The following SEMA3F variants were observed in gnomAD, a reference collection of about 807,000 sequenced individuals.
SEMA3F encodes the protein semaphorin 3F.
In SEMA3F, 30 loss-of-function variants were observed where a neutral mutation model predicts 98.5. That is an observed-to-expected ratio of 0.30 (90% confidence interval 0.23 to 0.41). The LOEUF (loss-of-function observed/expected upper bound fraction) is 0.41, where lower values mean the gene tolerates loss of function less well. SEMA3F is among the 10% of genes least tolerant of loss of function. The pLI, the probability that SEMA3F is intolerant of heterozygous loss-of-function variation, is 1.00. For synonymous variants in SEMA3F, 380 were observed against 444.8 expected, an observed-to-expected ratio of 0.85 and a Z score of 1.83; for missense variants, 866 against 1,119.3, an observed-to-expected ratio of 0.77 and a Z score of 3.23.
intron 2 of SEMA3F, among the ~76,000 whole-genome samples, chr3:50,170,200 C>T (rs1336482388): frequency 6.6e-6 from 1 of 152,048 alleles, no homozygotes; most frequent in Non-Finnish European, 1.5e-5. Flanking sequence ...TGCTCTGGGA[C>T]CCGGGGAAGT....
upstream of SEMA3F, chr3:50,155,251 C>T (rs1312268993): frequency 6.0e-6 from 2 of 333,448 alleles, no homozygotes; most frequent in Non-Finnish European, 1.1e-5. This position sits in a 1 kb window ranked among gnomAD's most constrained non-coding sequence, Gnocchi z 4.9. Flanking sequence ...CCGCCCGCGC[C>T]CCGCGCTGGG....
chr3:50,180,142 T>G (rs1443680602), intron 7 of SEMA3F, among the ~76,000 whole-genome samples: 5 of 151,370 alleles, frequency 3.3e-5, no homozygotes, highest in Non-Finnish European at 5.9e-5. Flanking sequence ...AGCTTTTTTG[T>G]TTTTTTTTAT....
chr3:50,170,027 C>G (rs1698542579), intron 2 of SEMA3F, among the ~76,000 whole-genome samples: 1 of 152,170 alleles, frequency 6.6e-6, no homozygotes, highest in African/African-American at 2.4e-5. Context: ...ACCCTGTGAC[C>G]TGGGTTGAGT....
Position 50,188,071 on chromosome 3 carries a change from C to T in SEMA3F, c.2314C>T (p.Gln772Ter). The T allele has an allele frequency of 6.4e-7, 1 of 1,561,860 alleles. No individual in the cohort carries two copies. Among genetic ancestry groups the T allele is most frequent in the Non-Finnish European group, 8.7e-7 (1 of 1,152,670 alleles). Residue 772 changes from glutamine (Q) to a stop codon, truncating the protein, a stop_gained, in exon 19 of 19, where the codon CAG becomes TAG. Transcript: ENST00000002829. LOFTEE classifies it high-confidence loss of function. The surrounding 1 kb of genome is among the most constrained non-coding windows in gnomAD (Gnocchi z 4.5). ...GAPRSPEPQD[Q>*]KKPRNRRHHP... ...ACCCCGGTCTCCTGAGCCCCAGGAC[C>T]AGAAAAAGCCCCGGAACCGCCGGCA...
At chr3:50,181,315 T>A (rs1183338022) in intron 7 of SEMA3F, among the ~76,000 whole-genome samples, 1 of 152,004 alleles carries the variant, frequency 6.6e-6, no homozygotes, top group Non-Finnish European at 1.5e-5. Flanking sequence ...TGTGTTTTTT[T>A]TTTTTATTTT....
At position 50,183,403 on chromosome 3, in the gene SEMA3F, G is replaced by T; in HGVS notation, c.1089-17G>T. 1 of 1,613,494 alleles carries T rather than the reference G, an allele frequency of 6.2e-7. No homozygotes were observed. Among genetic ancestry groups the T allele is most frequent in the Non-Finnish European group, 8.5e-7 (1 of 1,179,884 alleles). On this transcript the variant is annotated splice_polypyrimidine_tract_variant and intron_variant, in intron 11 of 18. Transcript: ENST00000002829. ...TGGAGGGTCTGTCCTGCTCAGCAGC[G>T]CCTGCCATGCCCACAGCTCCGTGTT...
At chr3:50,170,208 A>G (rs896334549) in intron 2 of SEMA3F, among the ~76,000 whole-genome samples, 14 of 152,094 alleles carry the variant, frequency 9.2e-5, no homozygotes, top group Non-Finnish European at 1.6e-4. Flanking sequence ...GACCCGGGGA[A>G]GTTCCCACCC....
chr3:50,157,656 G>A (rs1698040524), intron 1 of SEMA3F, among the ~76,000 whole-genome samples: 1 of 152,034 alleles, frequency 6.6e-6, no homozygotes, highest in South Asian at 2.1e-4. Flanking sequence ...AGGGGACCTG[G>A]ACTTGAGACT....
At chr3:50,180,927 T>G (rs1218296577) in intron 7 of SEMA3F, among the ~76,000 whole-genome samples, 1 of 151,980 alleles carries the variant, frequency 6.6e-6, no homozygotes, top group African/African-American at 2.4e-5. Flanking sequence ...ATTAGCCAGA[T>G]GTAGTGGTGG....
rs1697931758 is a variant in SEMA3F at position 50,155,342 on chromosome 3, C to CCATG, written c.-270_-267dup. 1 of 301,670 alleles carries CCATG rather than the reference C, an allele frequency of 3.3e-6. No homozygotes were observed. The highest frequency in any genetic ancestry group is 2.2e-5 in the African/African-American group (1 of 45,006). The allele number at this position is 301,670 out of a possible 1,614,324, so 18.7% of individuals were successfully genotyped here. A position where few individuals can be genotyped will look rare whatever the true frequency, so the allele number is the denominator to read the frequency against. ...CGGCCCCGAGCGCCCCTGAGCCTTC[C>CCATG]CATGGCCCGGGCTGGGGCCCGGGCC... On this transcript the variant is annotated 5_prime_UTR_variant, in exon 1 of 19. The change creates a new upstream start codon in the 5' untranslated region. Transcript: ENST00000002829. This position sits in a 1 kb window ranked among gnomAD's most constrained non-coding sequence, Gnocchi z 4.9.
chr3:50,184,417 G>T (rs1177260311), intron 12 of SEMA3F, 175 bp from the exon 13 acceptor site: 3 of 606,984 alleles, frequency 4.9e-6, no homozygotes, highest in Non-Finnish European at 5.8e-6. Context: ...TGGGACCTTG[G>T]CCAGAGCAGG....
At chr3:50,181,316 T>A (rs1415068964) in intron 7 of SEMA3F, among the ~76,000 whole-genome samples, 1 of 152,032 alleles carries the variant, frequency 6.6e-6, no homozygotes, top group Non-Finnish European at 1.5e-5. Flanking sequence ...GTGTTTTTTT[T>A]TTTTATTTTT....
Position 50,180,653 on chromosome 3 carries a change from G to A in SEMA3F, c.644-1631G>A, listed in dbSNP as rs556629660. On this transcript the variant is annotated intron_variant, in intron 7 of 18. Transcript: ENST00000002829. ...AGTCAGAACACACACAGCATTTATC[G>A]ATTAAGTTCACTGTTTTATATGGGT... Among the ~76,000 whole-genome samples the A allele has an allele frequency of 7.9e-5, 12 of 152,300 alleles. No homozygotes were observed. The South Asian group carries it at 1.9e-3, about 24-fold the overall frequency.
rs1698700463 is a variant in SEMA3F at position 50,173,774 on chromosome 3, C to A, written c.113-19C>A. 9 of 1,612,204 alleles carry A rather than the reference C, an allele frequency of 5.6e-6. No individual in the cohort carries two copies. The East Asian group carries it at 6.7e-5, about 12-fold the overall frequency. ...GGTTTCCTGAAGGTCCTAATTGGTG[C>A]CCTGCCCTCCACCCACAGAGCTGAA... On this transcript the variant is annotated intron_variant, in intron 2 of 18. Coordinates refer to ENST00000002829, the MANE Select transcript of SEMA3F (RefSeq NM_004186.5).
In SEMA3F at chr3:50,174,128, GATCCACAGGTGGGAAGGGGGA is replaced by G. The variant is rs751272757; in HGVS notation, c.336+32_336+52del. On this transcript the variant is annotated intron_variant, in intron 4 of 18. Coordinates refer to ENST00000002829, the MANE Select transcript of SEMA3F (RefSeq NM_004186.5). Reference sequence around the variant, plus strand: ...AAGGATGTCAACGTGAGTTTGGTGGGATCCACAGGTGGGAAGGGGGAATCCACAGGTGGGAAGGTACTGCCC... The same window carrying G: ...AAGGATGTCAACGTGAGTTTGGTGGGATCCACAGGTGGGAAGGTACTGCCC... 1.2e-5 allele frequency: 20 copies of G among 1,613,976 alleles called. No homozygotes were observed. The highest frequency in any genetic ancestry group is 1.5e-5 in the Non-Finnish European group (18 of 1,179,992).
In SEMA3F at chr3:50,186,739, G is replaced by A. The variant is rs1365835897; in HGVS notation, c.1940G>A (p.Arg647His). ...TTCCAGCGAGATCCTGGTGACCGGC[G>A]CCGAGAGGTGAGTTCCTGCGCCCGG... ...WLFQRDPGDR[R>H]REIRAEDRFL... Residue 647 changes from arginine (R) to histidine (H), a missense_variant, in exon 18 of 19, where the codon CGC becomes CAC. Physicochemically the swap from Arg to His is conservative, Grantham distance 29. Coordinates refer to ENST00000002829, the MANE Select transcript of SEMA3F (RefSeq NM_004186.5). 6 of 1,599,414 alleles carry A rather than the reference G, an allele frequency of 3.8e-6. No homozygotes were observed. The highest frequency in any genetic ancestry group is 2.2e-5 in the South Asian group (2 of 90,420).
In SEMA3F at chr3:50,183,166, C is replaced by T; in HGVS notation, c.1019-20C>T. 1 of 1,613,406 alleles carries T rather than the reference C, an allele frequency of 6.2e-7. No individual in the cohort carries two copies. Among genetic ancestry groups the T allele is most frequent in the Non-Finnish European group, 8.5e-7 (1 of 1,179,478 alleles). ...CTCCCGCCCATGGCACCCTCCAACA[C>T]CTTCTCCCTCTGTCCCCAGAGGACG... On this transcript the variant is annotated intron_variant, in intron 10 of 18. Coordinates refer to ENST00000002829, the MANE Select transcript of SEMA3F (RefSeq NM_004186.5).
intron 2 of SEMA3F, among the ~76,000 whole-genome samples, chr3:50,162,553 C>T (rs946382889): frequency 2.0e-5 from 3 of 152,220 alleles, no homozygotes; most frequent in South Asian, 2.1e-4. Flanking sequence ...GAGTCCCCTA[C>T]ACTGCAGAAT....
chr3:50,156,078 G>C lies in SEMA3F; in HGVS notation c.-49+514G>C, dbSNP rs1697968843. 1 of 151,372 alleles carries C rather than the reference G, an allele frequency of 6.6e-6. No individual in the cohort carries two copies. The highest frequency in any genetic ancestry group is 2.5e-5 in the African/African-American group (1 of 40,548). 9.4% of individuals were successfully genotyped at this position (151,372 alleles called of 1,614,324 possible). On this transcript the variant is annotated intron_variant, in intron 1 of 18. Coordinates refer to ENST00000002829, the MANE Select transcript of SEMA3F (RefSeq NM_004186.5). This position sits in a 1 kb window ranked among gnomAD's most constrained non-coding sequence, Gnocchi z 4.5. ...GCAGAGTGGGAGGACCTCCAGTCCT[G>C]AGGCATTTCTCCCAGCATTGTGCCA...
Sources: allele counts gnomAD v4.1 joint callset (sites outside exome capture counted in the v4.1 genomes callset), GRCh38; gene constraint gnomAD v4.1.1; non-coding constraint Gnocchi (gnomAD v3.1); transcripts MANE v1.5; gene names NCBI Gene and HGNC (gene_info 2026-07-23, HGNC 2026-07-21).